Variants in CHCHD3 observed in about 807,000 individuals in gnomAD.
CHCHD3 encodes coiled-coil-helix-coiled-coil-helix domain containing 3, also known as MICOS complex subunit MIC19.
CHCHD3 carries 20 observed loss-of-function variants against 38.2 expected under a neutral mutation model. The observed-to-expected ratio is 0.52, with a 90% CI of 0.37 to 0.76. The LOEUF (loss-of-function observed/expected upper bound fraction) is 0.76, where lower values mean the gene tolerates loss of function less well. CHCHD3 is among the 30% of genes least tolerant of loss of function. The probability of loss-of-function intolerance (pLI) is 0.00; values close to 1 mark genes in which losing one functional copy is unlikely to be tolerated. For synonymous variants in CHCHD3, 82 were observed against 100.0 expected (o/e 0.82, Z 1.07); for missense variants, 245 against 279.2 (o/e 0.88, Z 0.87).
intron 3 of CHCHD3, among the ~76,000 whole-genome samples, chr7:132,985,562 G>T: frequency 1.2e-5 from 1 of 85,558 alleles, no homozygotes; most frequent in South Asian, 3.7e-4. Context: ...GGGGGGGTCA[G>T]CCCCCCTCCC....
intron 4 of CHCHD3, among the ~76,000 whole-genome samples, chr7:132,922,607 T>C (rs1420871673): frequency 6.6e-6 from 1 of 152,166 alleles, no homozygotes; most frequent in Admixed American, 6.5e-5. Flanking sequence ...ACTGATAAAC[T>C]TTGATCAAAA....
chr7:132,949,576 C>T (rs1341674446), intron 4 of CHCHD3, among the ~76,000 whole-genome samples: 1 of 152,070 alleles, frequency 6.6e-6, no homozygotes, highest in Non-Finnish European at 1.5e-5. Context: ...TTCTTCAATT[C>T]AATGAACAGA....
At chr7:132,914,121 GGCGT>G (rs1281607796) in intron 4 of CHCHD3, among the ~76,000 whole-genome samples, 9 of 113,966 alleles carry the variant, frequency 7.9e-5, no homozygotes, top group African/African-American at 3.2e-4. Context: ...CACCATGCCT[GGCGT>G]GTGTGTGTGT....
At chr7:132,807,128 T>C (rs979787031) in intron 6 of CHCHD3, among the ~76,000 whole-genome samples, 2 of 152,182 alleles carry the variant, frequency 1.3e-5, no homozygotes, top group South Asian at 2.1e-4. Flanking sequence ...AAGCAGTACA[T>C]GAGAAGAAGG....
At chr7:132,969,095 A>G (rs1388255129) in intron 4 of CHCHD3, among the ~76,000 whole-genome samples, 1 of 152,012 alleles carries the variant, frequency 6.6e-6, no homozygotes, top group East Asian at 1.9e-4. Context: ...TTTTGGAGAA[A>G]CAGTCGCTTA....
chr7:133,006,844 T>C (rs541428030), intron 3 of CHCHD3, among the ~76,000 whole-genome samples: 1 of 152,292 alleles, frequency 6.6e-6, no homozygotes, highest in Admixed American at 6.5e-5. Flanking sequence ...AAATGTCTAA[T>C]AGTGAACTAC....
intron 4 of CHCHD3, among the ~76,000 whole-genome samples, chr7:132,952,236 G>A (rs1403809577): frequency 6.6e-6 from 1 of 152,170 alleles, no homozygotes; most frequent in South Asian, 2.1e-4. Context: ...CGAGGGTTAA[G>A]CATTAGAATG....
chr7:132,809,793 T>C (rs557851362), intron 6 of CHCHD3, among the ~76,000 whole-genome samples: 1 of 152,318 alleles, frequency 6.6e-6, no homozygotes, highest in East Asian at 1.9e-4. Flanking sequence ...AATTATAAAA[T>C]CATTCTCTGA....
In CHCHD3 at chr7:132,838,442, C is replaced by CA. The variant is rs1462625886; in HGVS notation, c.480dup (p.Glu161Ter). ...TCTTCAGCAGCTTTCTGATATTGTT[C>CA]AGTGGTGACTCTGTAGAACTCTGAG... On this transcript the variant is annotated frameshift_variant, in exon 6 of 8. Coordinates refer to ENST00000262570, the MANE Select transcript of CHCHD3 (RefSeq NM_017812.4). LOFTEE classifies it high-confidence loss of function. 1 of 1,612,958 alleles carries CA rather than the reference C, an allele frequency of 6.2e-7. No homozygotes were observed. Among genetic ancestry groups the CA allele is most frequent in the East Asian group, 2.2e-5 (1 of 44,820 alleles).
intron 2 of CHCHD3, among the ~76,000 whole-genome samples, chr7:133,027,939 C>T (rs1300933685): frequency 6.6e-6 from 1 of 152,028 alleles, no homozygotes. Context: ...TTTTAGTTTC[C>T]CCACCTAAAA....
intron 3 of CHCHD3, among the ~76,000 whole-genome samples, chr7:132,989,675 T>C (rs1347776852): frequency 6.6e-6 from 1 of 152,186 alleles, no homozygotes; most frequent in Non-Finnish European, 1.5e-5. Flanking sequence ...TTTTAGTTCA[T>C]AAGTTAATGT....
intron 4 of CHCHD3, among the ~76,000 whole-genome samples, chr7:132,917,311 C>A (rs951229022): frequency 6.6e-6 from 1 of 152,098 alleles, no homozygotes; most frequent in South Asian, 2.1e-4. Flanking sequence ...AAAAATTAAT[C>A]CCATACTCAG....
At chr7:133,034,534 T>TTTTTATTTTTC in intron 2 of CHCHD3, 1 of 287,044 alleles carries the variant, frequency 3.5e-6, no homozygotes, top group South Asian at 5.1e-5. Flanking sequence ...TTTTTTTCAA[T>TTTTTATTTTTC]GTTCAGTTTC....
intron 4 of CHCHD3, among the ~76,000 whole-genome samples, chr7:132,895,590 T>A (rs578199354): frequency 6.6e-6 from 1 of 152,220 alleles, no homozygotes; most frequent in African/African-American, 2.4e-5. Flanking sequence ...GGGAAGTAAC[T>A]GAATAATGGG....
chr7:132,996,565 C>G (rs75916875), intron 3 of CHCHD3, among the ~76,000 whole-genome samples: 8 of 152,150 alleles, frequency 5.3e-5, no homozygotes, highest in Non-Finnish European at 1.0e-4. Context: ...GTCTCTTTCC[C>G]TTCAGAGTTG....
chr7:132,973,137 G>A, intron 4 of CHCHD3: 9 of 985,366 alleles, frequency 9.1e-6, no homozygotes, highest in Non-Finnish European at 1.1e-5. Context: ...AACTAAGAGA[G>A]TAAGACAGTA....
intron 5 of CHCHD3, among the ~76,000 whole-genome samples, chr7:132,857,882 G>A (rs556562369): frequency 4.4e-4 from 67 of 152,122 alleles, no homozygotes; most frequent in Non-Finnish European, 8.4e-4. Flanking sequence ...TCATTTAGAG[G>A]CTCAACTACT....
At chr7:132,989,194 AGT>A (rs1812205073) in intron 3 of CHCHD3, among the ~76,000 whole-genome samples, 1 of 152,212 alleles carries the variant, frequency 6.6e-6, no homozygotes, top group African/African-American at 2.4e-5. Context: ...ACCAGCATTA[AGT>A]CCTGGTTCTG....
intron 5 of CHCHD3, among the ~76,000 whole-genome samples, chr7:132,879,262 G>A (rs1042338555): frequency 6.6e-6 from 1 of 152,042 alleles, no homozygotes; most frequent in Non-Finnish European, 1.5e-5. Context: ...GCAGTGGGGG[G>A]AGGTGTAGGG....
Sources: allele counts gnomAD v4.1 joint callset (sites outside exome capture counted in the v4.1 genomes callset), GRCh38; gene constraint gnomAD v4.1.1; transcripts MANE v1.5; gene names NCBI Gene and HGNC (gene_info 2026-07-23, HGNC 2026-07-21).